The following GIGYF2 variants were observed in gnomAD, a reference collection of about 807,000 sequenced individuals.
GIGYF2 encodes the protein GRB10-interacting GYF protein 2.
GIGYF2 carries 25 observed loss-of-function variants against 208.1 expected under a neutral mutation model. The observed-to-expected ratio is 0.12, with a 90% CI of 0.09 to 0.17. GIGYF2 has a LOEUF of 0.17. GIGYF2 is among the 10% of genes least tolerant of loss of function. The pLI is 1.00. For synonymous variants in GIGYF2, 534 were observed against 543.8 expected, an observed-to-expected ratio of 0.98 and a Z score of 0.25; for missense variants, 1,302 against 1,579.4, an observed-to-expected ratio of 0.82 and a Z score of 2.98.
chr2:232,790,791 G>T lies in GIGYF2; in HGVS notation c.806G>T (p.Arg269Leu). Reference protein sequence around the residue: ...FRDRDDERGYRRVRSGSGSID... With the variant: ...FRDRDDERGYLRVRSGSGSID... ...GATAGAGATGATGAACGGGGTTACC[G>T]AAGGGTTCGCTCTGGCAGTGGGAGC... Residue 269 changes from arginine to leucine, a missense_variant, in exon 10 of 29, where the codon CGA (arginine) becomes CTA (leucine). This residue lies in a region of GIGYF2 where 50 missense variants were observed against 42.3 expected (regional missense o/e 1.18). Transcript: ENST00000373563. 4 of 1,614,100 alleles carry T rather than the reference G, an allele frequency of 2.5e-6. No individual in the cohort carries two copies. The highest frequency in any genetic ancestry group is 3.4e-6 in the Non-Finnish European group (4 of 1,179,970).
rs563775746 is a variant in GIGYF2, at chr2:232,775,939, A to G, written c.533-11211A>G. Reference sequence around the variant, plus strand: ...CTAACCCTGTTATATAAGCTCAGAGATTCTATTTTAATTTCTCAGTTGCAG... The same window carrying G: ...CTAACCCTGTTATATAAGCTCAGAGGTTCTATTTTAATTTCTCAGTTGCAG... On this transcript the variant is annotated intron_variant, in intron 8 of 28. Transcript: ENST00000373563. 2.0e-3 allele frequency among the ~76,000 whole-genome samples: 311 copies of G among 152,244 alleles called. 1 individual carries two copies. The highest frequency in any genetic ancestry group is 7.1e-3 in the African/African-American group (296 of 41,548).
chr2:232,780,294 A>G (rs905262676), intron 8 of GIGYF2, among the ~76,000 whole-genome samples: 3 of 152,312 alleles, frequency 2.0e-5, no homozygotes, highest in African/African-American at 7.2e-5. Flanking sequence ...GATGAATCCT[A>G]TTTGGACTTA....
At chr2:232,836,782 T>A (rs986571897) in intron 22 of GIGYF2, among the ~76,000 whole-genome samples, 3 of 152,118 alleles carry the variant, frequency 2.0e-5, no homozygotes, top group Non-Finnish European at 4.4e-5. Context: ...ACCAGTCTCC[T>A]CCTAATTGCC....
rs566316792 is a variant in GIGYF2, at chr2:232,844,498, G to C, written c.3229G>C (p.Gly1077Arg). 6 of 1,613,738 alleles carry C rather than the reference G, an allele frequency of 3.7e-6. No homozygotes were observed. The African/African-American group carries it at 8.0e-5, about 22-fold the overall frequency. The change falls in exon 25 of 29, where the codon GGA becomes CGA. Residue 1077 changes from glycine to arginine, a missense_variant. By Grantham distance (125) the Gly-to-Arg change is moderately radical. Transcript: ENST00000373563. ...SNADTKNSNM[G>R]FWDDAVKEVG... ...TGCTGACACTAAAAACTCCAACATG[G>C]GATTCTGGGATGATGCAGTGAAAGA...
intron 5 of GIGYF2, among the ~76,000 whole-genome samples, chr2:232,752,343 A>G (rs971721701): frequency 6.6e-6 from 1 of 152,156 alleles, no homozygotes; most frequent in East Asian, 1.9e-4. Flanking sequence ...AACTTAAAGC[A>G]GGCTTCTTGC....
At chr2:232,788,975 A>C (rs1403323827) in intron 9 of GIGYF2, among the ~76,000 whole-genome samples, 1 of 152,186 alleles carries the variant, frequency 6.6e-6, no homozygotes, top group Non-Finnish European at 1.5e-5. Context: ...AGTATATTCA[A>C]AGTATAGCCT....
chr2:232,711,520 ATACC>A (rs1325693398), intron 2 of GIGYF2, among the ~76,000 whole-genome samples: 1 of 151,482 alleles, frequency 6.6e-6, no homozygotes, highest in Non-Finnish European at 1.5e-5. Flanking sequence ...TTAATATGAC[ATACC>A]TATTTTCTAA....
chr2:232,816,610 A>G (rs1048879873), intron 19 of GIGYF2, among the ~76,000 whole-genome samples: 6 of 152,192 alleles, frequency 3.9e-5, no homozygotes, highest in Non-Finnish European at 7.3e-5. Context: ...TTACTGTGAT[A>G]TGTCACAGCT....
chr2:232,709,240 A>G (rs1696270365), intron 2 of GIGYF2, among the ~76,000 whole-genome samples: 1 of 152,244 alleles, frequency 6.6e-6, no homozygotes, highest in African/African-American at 2.4e-5. Flanking sequence ...AAAAATCTAA[A>G]TATAATACCT....
At position 232,795,095 on chromosome 2, in the gene GIGYF2, C is replaced by T. The variant is rs939558098; in HGVS notation, c.1479+151C>T. 1.6e-5 allele frequency: 11 copies of T among 703,220 alleles called. No individual in the cohort carries two copies. The Admixed American group carries it at 2.1e-4, about 13-fold the overall frequency. The allele number at this position is 703,220 out of a possible 1,614,324, so 43.6% of individuals were successfully genotyped here. A position where few individuals can be genotyped will look rare whatever the true frequency, so the allele number is the denominator to read the frequency against. On this transcript the variant is annotated intron_variant, in intron 13 of 28. Transcript: ENST00000373563. ...AGTGTTTATTTGTACAAGTCATTGT[C>T]TTTCAAATCATTTCATGCTTATAAG...
chr2:232,772,025 C>G (rs561122976), intron 8 of GIGYF2, among the ~76,000 whole-genome samples: 2 of 152,262 alleles, frequency 1.3e-5, no homozygotes, highest in East Asian at 3.9e-4. Context: ...TGCTCTGTCT[C>G]CTAGGCTGGA....
chr2:232,710,855 A>G (rs539478417), intron 2 of GIGYF2, among the ~76,000 whole-genome samples: 23 of 151,884 alleles, frequency 1.5e-4, no homozygotes, highest in Non-Finnish European at 2.8e-4. Flanking sequence ...ACCCATTACC[A>G]TGTCCGGCTA....
intron 21 of GIGYF2, among the ~76,000 whole-genome samples, chr2:232,832,335 C>T (rs1361237073): frequency 6.6e-6 from 1 of 152,136 alleles, no homozygotes; most frequent in Non-Finnish European, 1.5e-5. Flanking sequence ...CAGGTGAGGG[C>T]AAATGCAGTA....
intron 2 of GIGYF2, among the ~76,000 whole-genome samples, chr2:232,711,705 G>GTATGTATATATATATATATATATATA (rs1553604498): frequency 3.5e-5 from 4 of 115,762 alleles, no homozygotes; most frequent in African/African-American, 1.3e-4. Flanking sequence ...TCACAATGAT[G>GTATGTATATATATATATATATATATA]TATATATATA....
At chr2:232,720,585 TTTTGTTTGTTTG>T (rs71056294) in intron 2 of GIGYF2, among the ~76,000 whole-genome samples, 1 of 126,310 alleles carries the variant, frequency 7.9e-6, no homozygotes, top group African/African-American at 2.9e-5. Context: ...ATATATATAT[TTTTGTTTGTTTG>T]TTTGTTTGTT....
intron 25 of GIGYF2, 143 bp from the exon 26 acceptor site, chr2:232,845,589 A>ATTT: frequency 1.4e-6 from 1 of 721,970 alleles, no homozygotes; most frequent in South Asian, 1.6e-5. Context: ...AAATATTTGA[A>ATTT]TTTTTTTCTT....
rs150361825 is a variant in GIGYF2 at position 232,742,981 on chromosome 2, G to T, written c.42-4634G>T. ...TTGAGAATCACAAGCTTACATAGAA[G>T]TGCCTTTTGACTCCCACACCTTCAC... On this transcript the variant is annotated intron_variant, in intron 3 of 28. Transcript: ENST00000373563. 7.7e-3 allele frequency among the ~76,000 whole-genome samples: 1,172 copies of T among 152,266 alleles called. 14 individuals are homozygous for T. Among genetic ancestry groups the T allele is most frequent in the African/African-American group, 0.026 (1,082 of 41,550 alleles).
intron 2 of GIGYF2, among the ~76,000 whole-genome samples, chr2:232,704,934 A>G (rs1696022723): frequency 1.5e-5 from 2 of 129,820 alleles, no homozygotes; most frequent in East Asian, 2.3e-4. Context: ...ATCTCTGCTC[A>G]CTGCAAGCTC....
intron 28 of GIGYF2, among the ~76,000 whole-genome samples, chr2:232,852,421 T>A (rs1402677550): frequency 6.6e-6 from 1 of 152,076 alleles, no homozygotes; most frequent in Non-Finnish European, 1.5e-5. Flanking sequence ...GGTGGGTGCC[T>A]ATAATCCCAG....
Sources: allele counts gnomAD v4.1 joint callset (sites outside exome capture counted in the v4.1 genomes callset), GRCh38; gene constraint gnomAD v4.1.1; regional missense constraint gnomAD v4.1.1; transcripts MANE v1.5; gene names NCBI Gene and HGNC (gene_info 2026-07-23, HGNC 2026-07-21).